The following CDH6 variants were observed in gnomAD, a reference collection of about 807,000 sequenced individuals.
The protein encoded by CDH6 is cadherin 6, also known as cadherin-6.
Under a neutral mutation model 78.0 loss-of-function variants are expected in CDH6, and 31 were observed. The ratio of observed to expected loss-of-function variants is 0.40; its 90% CI spans 0.30 to 0.54. CDH6 has a LOEUF of 0.54. Among genes scored for constraint, CDH6 ranks in the 20% least tolerant of loss-of-function variants. The pLI is 0.56. For missense variants in CDH6, 724 were observed against 975.9 expected (o/e 0.74, Z 3.44); for synonymous variants, 376 against 368.8 (o/e 1.02, Z -0.23).
chr5:31,288,311 C>T (rs990717573), intron 2 of CDH6, among the ~76,000 whole-genome samples: 1 of 152,056 alleles, frequency 6.6e-6, no homozygotes, highest in Non-Finnish European at 1.5e-5. Flanking sequence ...TTAACTCATG[C>T]CAAATTATTA....
chr5:31,278,899 T>C (rs1742777281), intron 2 of CDH6, among the ~76,000 whole-genome samples: 1 of 152,186 alleles, frequency 6.6e-6, no homozygotes, highest in South Asian at 2.1e-4. Flanking sequence ...AAAATACAGT[T>C]ACACAAAGCT....
intron 7 of CDH6, among the ~76,000 whole-genome samples, chr5:31,312,388 G>A (rs758371308): frequency 1.3e-5 from 2 of 152,176 alleles, no homozygotes; most frequent in East Asian, 3.9e-4. Flanking sequence ...GATTTAGATT[G>A]TGGCATTCCC....
intron 3 of CDH6, among the ~76,000 whole-genome samples, chr5:31,296,196 G>T (rs1445872216): frequency 6.6e-6 from 1 of 152,026 alleles, no homozygotes; most frequent in Non-Finnish European, 1.5e-5. Flanking sequence ...ATGGAAAGGG[G>T]AACTCCAGCA....
At chr5:31,316,363 C>T (rs1579913069) in intron 9 of CDH6, 34 bp downstream of exon 9, 2 of 1,579,150 alleles carry the variant, frequency 1.3e-6, no homozygotes, top group Non-Finnish European at 1.7e-6. Context: ...TCAAGTTGAA[C>T]ATCAGATTAA....
intron 1 of CDH6, among the ~76,000 whole-genome samples, chr5:31,209,375 C>T (rs1026157456): frequency 3.9e-5 from 6 of 152,202 alleles, no homozygotes; most frequent in African/African-American, 1.4e-4. Flanking sequence ...AATCAGTAAC[C>T]TCTCTTATTA....
intron 1 of CDH6, among the ~76,000 whole-genome samples, chr5:31,260,317 G>A (rs1199882475): frequency 1.3e-5 from 2 of 152,310 alleles, no homozygotes; most frequent in Admixed American, 1.3e-4. Flanking sequence ...GTGCGGGGCT[G>A]AGATTCTCAC....
chr5:31,314,415 T>C lies in CDH6; in HGVS notation c.1390+961T>C, dbSNP rs1163643957. ...GTTTAATTTTAAAAGTTCTAAACAT[T>C]TTTAGCTCACTTTGGGTATCTAGTG... is the stretch of plus-strand genomic sequence containing the variant. On this transcript the variant is annotated intron_variant, in intron 8 of 11. Coordinates refer to ENST00000265071, the MANE Select transcript of CDH6 (RefSeq NM_004932.4). 2.0e-5 allele frequency among the ~76,000 whole-genome samples: 3 copies of C among 151,324 alleles called. No homozygotes were observed. The East Asian group carries it at 5.8e-4, about 29-fold the overall frequency.
intron 1 of CDH6, among the ~76,000 whole-genome samples, chr5:31,198,993 A>G (rs985834009): frequency 6.6e-6 from 1 of 152,056 alleles, no homozygotes; most frequent in Non-Finnish European, 1.5e-5. Context: ...TCCTTAGTGC[A>G]TTGAAGAATA....
At chr5:31,291,411 G>C (rs1419467124) in intron 2 of CDH6, among the ~76,000 whole-genome samples, 1 of 152,148 alleles carries the variant, frequency 6.6e-6, no homozygotes, top group Admixed American at 6.6e-5. Context: ...TGCTTTTGTT[G>C]CATGTTTACA....
At chr5:31,243,435 G>A (rs555583676) in intron 1 of CDH6, among the ~76,000 whole-genome samples, 9 of 152,256 alleles carry the variant, frequency 5.9e-5, no homozygotes, top group South Asian at 2.1e-4. Context: ...TCAGCTCATC[G>A]GAATCTTCAG....
intron 1 of CDH6, among the ~76,000 whole-genome samples, chr5:31,196,214 G>T (rs1455353068): frequency 2.0e-5 from 3 of 152,044 alleles, no homozygotes. Context: ...TCCTTTTTAA[G>T]AAAAAATGTA....
At chr5:31,280,492 G>T (rs868165969) in intron 2 of CDH6, among the ~76,000 whole-genome samples, 2 of 152,174 alleles carry the variant, frequency 1.3e-5, no homozygotes, top group African/African-American at 4.8e-5. Context: ...TGCCAGCACA[G>T]TACCAAAGCT....
At chr5:31,315,064 A>G (rs568264750) in intron 8 of CDH6, among the ~76,000 whole-genome samples, 1 of 152,290 alleles carries the variant, frequency 6.6e-6, no homozygotes, top group Non-Finnish European at 1.5e-5. Flanking sequence ...CTCGACCTGA[A>G]GAGCCAGAAA....
In CDH6 at chr5:31,323,073, G is replaced by C; in HGVS notation, c.2138G>C (p.Arg713Thr). 1 of 1,614,202 alleles carries C rather than the reference G, an allele frequency of 6.2e-7. No individual in the cohort carries two copies. The highest frequency in any genetic ancestry group is 8.5e-7 in the Non-Finnish European group (1 of 1,180,038). The change falls in exon 12 of 12, where the codon AGA (arginine) becomes ACA (threonine). Residue 713 changes from arginine to threonine, a missense_variant. Physicochemically the swap from Arg to Thr is moderately conservative, Grantham distance 71. Around this residue, in one of 3 missense-constraint regions of CDH6, gnomAD observed 220 missense variants for 240.6 expected, o/e 0.91. Coordinates refer to ENST00000265071, the MANE Select transcript of CDH6 (RefSeq NM_004932.4). ...ACAGCTCGCGACAACACCGATGTCA[G>C]AGATTTCATTAACCAAAGGTTAAAG... ...TPTARDNTDV[R>T]DFINQRLKEN...
At chr5:31,255,128 GGAAATT>G (rs1454541052) in intron 1 of CDH6, among the ~76,000 whole-genome samples, 4 of 152,200 alleles carry the variant, frequency 2.6e-5, no homozygotes, top group Non-Finnish European at 4.4e-5. Flanking sequence ...AATAGATGAA[GGAAATT>G]GAAAAGTGCT....
intron 1 of CDH6, among the ~76,000 whole-genome samples, chr5:31,235,953 ATTGT>A (rs1741443300): frequency 6.6e-6 from 1 of 152,108 alleles, no homozygotes; most frequent in African/African-American, 2.4e-5. Flanking sequence ...ATTTATGCCC[ATTGT>A]TTGTACTCAT....
chr5:31,227,623 C>G (rs1016672045), intron 1 of CDH6, among the ~76,000 whole-genome samples: 2 of 152,100 alleles, frequency 1.3e-5, no homozygotes, highest in Admixed American at 1.3e-4. Context: ...CAGATCAAGG[C>G]TTCTGCCAAG....
At chr5:31,202,713 GTATA>G (rs891990637) in intron 1 of CDH6, among the ~76,000 whole-genome samples, 5 of 149,502 alleles carry the variant, frequency 3.3e-5, no homozygotes, top group Non-Finnish European at 5.9e-5. Flanking sequence ...ACATACATGC[GTATA>G]TATGTTACAT....
chr5:31,243,253 C>A (rs1024098916), intron 1 of CDH6, among the ~76,000 whole-genome samples: 8 of 152,008 alleles, frequency 5.3e-5, no homozygotes, highest in Non-Finnish European at 1.2e-4. Context: ...GGAGGCAGTG[C>A]GGGCTGGTAA....
Sources: allele counts gnomAD v4.1 joint callset (sites outside exome capture counted in the v4.1 genomes callset), GRCh38; gene constraint gnomAD v4.1.1; regional missense constraint gnomAD v4.1.1; transcripts MANE v1.5; gene names NCBI Gene and HGNC (gene_info 2026-07-23, HGNC 2026-07-21).